The following LGI1 variants were observed in gnomAD, a reference collection of about 807,000 sequenced individuals.
LGI1 encodes the protein leucine-rich glioma-inactivated protein 1.
Under a neutral mutation model 57.7 loss-of-function variants are expected in LGI1, and 11 were observed. That is an observed-to-expected ratio of 0.19 (90% CI 0.12 to 0.32). LGI1 has a LOEUF of 0.32. Among genes scored for constraint, LGI1 ranks in the 10% least tolerant of loss-of-function variants. The pLI is 1.00. For synonymous variants in LGI1, 222 were observed against 241.9 expected (o/e 0.92, Z 0.76); for missense variants, 422 against 661.9 (o/e 0.64, Z 3.98).
At chr10:93,766,905 C>T (rs2059686143) in intron 2 of LGI1, 1 of 152,040 alleles carries the variant, frequency 6.6e-6, no homozygotes, top group South Asian at 2.1e-4. Context: ...AAAAGATAAC[C>T]TCCTCAATGT....
At chr10:93,770,473 A>G (rs145786525) in intron 2 of LGI1, 2 of 152,466 alleles carry the variant, frequency 1.3e-5, no homozygotes, top group Admixed American at 6.5e-5. Flanking sequence ...CCTTGTAGCT[A>G]TATCCTCATT....
At position 93,793,227 on chromosome 10, in the gene LGI1, A is replaced by G. The variant is rs1234927321; in HGVS notation, c.715A>G (p.Ile239Val). ...SQDLPYQSLS[I>V]DTFSYLNDEY... ...AGACCTGCCTTATCAATCATTGTCC[A>G]TAGACACTTTTTCTTATTTGAATGA... Residue 239 changes from isoleucine to valine, a missense_variant, in exon 7 of 8, where the codon ATA becomes GTA. This residue lies in a region of LGI1 where 301 missense variants were observed against 461.7 expected (regional missense o/e 0.65). Coordinates refer to ENST00000371418, the MANE Select transcript of LGI1 (RefSeq NM_005097.4). The G allele has an allele frequency of 1.2e-6, 2 of 1,613,270 alleles. No homozygotes were observed. The highest frequency in any genetic ancestry group is 1.7e-6 in the Non-Finnish European group (2 of 1,179,572).
chr10:93,777,539 A>G lies in LGI1; in HGVS notation c.360-7A>G, dbSNP rs770317882. On this transcript the variant is annotated splice_polypyrimidine_tract_variant and splice_region_variant and intron_variant, in intron 3 of 7. Transcript: ENST00000371418. The stretch of plus-strand genomic sequence containing the variant: ...TGTTTGACAAAAAATATTATAACTT[A>G]TTGCAGATTCATAGAAAACAACAAC... 2.0e-5 allele frequency: 33 copies of G among 1,612,774 alleles called. No individual in the cohort carries two copies. The highest frequency in any genetic ancestry group is 2.8e-5 in the Non-Finnish European group (33 of 1,178,916).
intron 2 of LGI1, chr10:93,764,548 T>C (rs1362308251): frequency 6.6e-6 from 1 of 152,224 alleles, no homozygotes; most frequent in East Asian, 1.9e-4. Flanking sequence ...TCAAAACAGC[T>C]GACCCTGGTG....
At chr10:93,766,209 GA>G (rs1391529317) in intron 2 of LGI1, among the ~76,000 whole-genome samples, 1 of 152,198 alleles carries the variant, frequency 6.6e-6, no homozygotes, top group South Asian at 2.1e-4. Context: ...GCAAGGATTG[GA>G]AAAAAATTGT....
At chr10:93,792,597 A>G (rs2134020623) in intron 5 of LGI1, 146 bp from the exon 6 acceptor site, 1 of 783,526 alleles carries the variant, frequency 1.3e-6, no homozygotes, top group East Asian at 2.6e-5. Flanking sequence ...AAAGTGAATG[A>G]GTGGTCAGTC....
chr10:93,767,870 C>T (rs1035931850), intron 2 of LGI1: 2 of 152,192 alleles, frequency 1.3e-5, no homozygotes, highest in African/African-American at 4.8e-5. Context: ...TGTAAATATA[C>T]ACTGTCACTG....
chr10:93,773,935 G>A (rs1387826070), intron 2 of LGI1, among the ~76,000 whole-genome samples: 1 of 152,176 alleles, frequency 6.6e-6, no homozygotes, highest in African/African-American at 2.4e-5. Flanking sequence ...TCTGATCTGT[G>A]GCTCAGAGTA....
At chr10:93,785,474 T>C (rs1003331300) in intron 4 of LGI1, among the ~76,000 whole-genome samples, 1 of 152,184 alleles carries the variant, frequency 6.6e-6, no homozygotes, top group African/African-American at 2.4e-5. Flanking sequence ...TTAACTTGGC[T>C]AAGGACACAT....
At chr10:93,771,236 A>T (rs924631910) in intron 2 of LGI1, 1 of 152,244 alleles carries the variant, frequency 6.6e-6, no homozygotes, top group Non-Finnish European at 1.5e-5. Context: ...CTTACCTCAC[A>T]TCATACATAA....
At chr10:93,776,371 A>T (rs1346855622) in intron 2 of LGI1, among the ~76,000 whole-genome samples, 1 of 152,166 alleles carries the variant, frequency 6.6e-6, no homozygotes, top group Non-Finnish European at 1.5e-5. Context: ...ACTCATGCCA[A>T]TTCTTCTCTA....
At chr10:93,771,743 A>T (rs1015249941) in intron 2 of LGI1, 7 of 152,238 alleles carry the variant, frequency 4.6e-5, no homozygotes, top group African/African-American at 1.7e-4. Context: ...TGGGAGGCCG[A>T]GGAGGGTGGA....
intron 4 of LGI1, among the ~76,000 whole-genome samples, chr10:93,784,401 C>T (rs2059878639): frequency 6.6e-6 from 1 of 152,160 alleles, no homozygotes; most frequent in Non-Finnish European, 1.5e-5. Context: ...GATTTAAGAG[C>T]AAGAATAGGA....
rs919792018 is a variant in LGI1, at chr10:93,758,630, C to A, written c.216-130C>A. ...TACTTCATCTGGGAAGGAATAGTAT[C>A]GTACTTCATAAAATAGTGTCAAAAT... On this transcript the variant is annotated intron_variant, in intron 1 of 7. Coordinates refer to ENST00000371418, the MANE Select transcript of LGI1 (RefSeq NM_005097.4). The surrounding 1 kb of genome is among the most constrained non-coding windows in gnomAD (Gnocchi z 4.7). 16 of 736,742 alleles carry A rather than the reference C, an allele frequency of 2.2e-5. No individual in the cohort carries two copies. The highest frequency in any genetic ancestry group is 3.3e-5 in the Non-Finnish European group (14 of 423,050). The allele number at this position is 736,742 out of a possible 1,614,324, so 45.6% of individuals were successfully genotyped here.
At chr10:93,776,163 G>A (rs988099120) in intron 2 of LGI1, 3 of 152,140 alleles carry the variant, frequency 2.0e-5, no homozygotes, top group Non-Finnish European at 4.4e-5. Flanking sequence ...GAGGCATGAG[G>A]GATTAGAAGA....
Position 93,758,001 on chromosome 10 carries a change from AGCTGCAG to A in LGI1, c.-142_-136del, listed in dbSNP as rs1206123593. On this transcript the variant is annotated 5_prime_UTR_variant, in exon 1 of 8. Coordinates refer to ENST00000371418, the MANE Select transcript of LGI1 (RefSeq NM_005097.4). This position sits in a 1 kb window ranked among gnomAD's most constrained non-coding sequence, Gnocchi z 4.7. Reference sequence around the variant, plus strand: ...TGGAGCGAGGAGAAGCTCACGAATCAGCTGCAGGTCTCTGTTTTGAAAAAGCAGAGAT... The same window carrying A: ...TGGAGCGAGGAGAAGCTCACGAATCAGTCTCTGTTTTGAAAAAGCAGAGAT... 1.3e-6 allele frequency: 1 copy of A among 742,052 alleles called. No homozygotes were observed. The highest frequency in any genetic ancestry group is 2.4e-6 in the Non-Finnish European group (1 of 419,652). 46.0% of individuals were successfully genotyped at this position (742,052 alleles called of 1,614,324 possible).
At chr10:93,780,929 C>G (rs1256359742) in intron 4 of LGI1, among the ~76,000 whole-genome samples, 1 of 152,188 alleles carries the variant, frequency 6.6e-6, no homozygotes, top group Admixed American at 6.5e-5. Flanking sequence ...CCCACTCTGG[C>G]CTAACATTAA....
chr10:93,792,906 A>G lies in LGI1; in HGVS notation c.667A>G (p.Ile223Val), dbSNP rs776475097. Reference sequence around the variant, plus strand: ...CTCCTCGAAGGATTTTGATTGCATCATTACAGGTAATGTACTCATCATCAT... The same window carrying G: ...CTCCTCGAAGGATTTTGATTGCATCGTTACAGGTAATGTACTCATCATCAT... Reference protein sequence around the residue: ...SLSSKDFDCIITEFAKSQDLP... With the variant: ...SLSSKDFDCIVTEFAKSQDLP... The change falls in exon 6 of 8, where the codon ATT becomes GTT. Residue 223 changes from isoleucine (I) to valine (V), a missense_variant. Ile to Val is a conservative substitution (Grantham distance 29). Around this residue, in one of 3 missense-constraint regions of LGI1, gnomAD observed 301 missense variants for 461.7 expected, o/e 0.65. Coordinates refer to ENST00000371418, the MANE Select transcript of LGI1 (RefSeq NM_005097.4). 1.9e-6 allele frequency: 3 copies of G among 1,613,892 alleles called. No homozygotes were observed. Among genetic ancestry groups the G allele is most frequent in the Non-Finnish European group, 2.5e-6 (3 of 1,179,770 alleles).
chr10:93,784,823 A>G (rs758703445), intron 4 of LGI1, among the ~76,000 whole-genome samples: 30 of 152,014 alleles, frequency 2.0e-4, no homozygotes, highest in Non-Finnish European at 3.2e-4. Context: ...AAGTCGTGAC[A>G]CTCTCTCTAG....
Sources: gnomAD v4.1 joint callset for allele counts (sites outside exome capture counted in the v4.1 genomes callset) on GRCh38, gnomAD v4.1.1 for gene constraint, gnomAD v4.1.1 regional missense constraint, Gnocchi (gnomAD v3.1) non-coding constraint, MANE v1.5 for transcripts, NCBI Gene and HGNC (gene_info 2026-07-23, HGNC 2026-07-21) for gene names.